The following RADIL variants were observed in gnomAD, a reference collection of about 807,000 sequenced individuals.
RADIL encodes the protein Rap associating with DIL domain.
A neutral mutation model predicts 97.6 loss-of-function variants in RADIL; 99 were observed. The ratio of observed to expected loss-of-function variants is 1.01; its 90% CI spans 0.86 to 1.20. The LOEUF (loss-of-function observed/expected upper bound fraction) is 1.20, where lower values mean the gene tolerates loss of function less well. RADIL is among the 50% of genes most tolerant of loss of function. RADIL has a pLI of 0.00. For missense variants in RADIL, 1,765 were observed against 1,498.9 expected (o/e 1.18, Z -2.93); for synonymous variants, 803 against 691.8 (o/e 1.16, Z -2.52).
chr7:4,852,310 G>A (rs1382361516), intron 2 of RADIL, among the ~76,000 whole-genome samples: 2 of 152,172 alleles, frequency 1.3e-5, no homozygotes, highest in Non-Finnish European at 2.9e-5. Context: ...GCACCAAGAG[G>A]ACAGAGGGCA....
rs1784466917 is a variant in RADIL, at chr7:4,880,767, T to A, written c.-64-2564A>T. On this transcript the variant is annotated intron_variant, in intron 1 of 14. Transcript: ENST00000399583. The surrounding 1 kb of genome is among the most constrained non-coding windows in gnomAD (Gnocchi z 4.5). Reference sequence around the variant, plus strand: ...CGGAGATGAAGTCTGAATGCTGATATAAATACGATACCAAAAACTGGGGAA... The same window carrying A: ...CGGAGATGAAGTCTGAATGCTGATAAAAATACGATACCAAAAACTGGGGAA... 6.6e-6 allele frequency among the ~76,000 whole-genome samples: 1 copy of A among 152,190 alleles called. No individual in the cohort carries two copies. The highest frequency in any genetic ancestry group is 6.5e-5 in the Admixed American group (1 of 15,282).
intron 2 of RADIL, among the ~76,000 whole-genome samples, chr7:4,852,502 G>A (rs146600467): frequency 0.042 from 6,395 of 152,238 alleles, 442 homozygotes; most frequent in African/African-American, 0.14. Context: ...AGGCTGGAGT[G>A]CAGTGGCATG....
At chr7:4,848,363 A>G (rs1310026087) in intron 2 of RADIL, among the ~76,000 whole-genome samples, 11 of 152,140 alleles carry the variant, frequency 7.2e-5, no homozygotes, top group Admixed American at 3.9e-4. Context: ...TTTTTTAAAA[A>G]AAAAACCCAG....
At position 4,836,491 on chromosome 7, in the gene RADIL, T is replaced by C; in HGVS notation, c.650A>G (p.Glu217Gly). 6.2e-7 allele frequency: 1 copy of C among 1,607,726 alleles called. No homozygotes were observed. Among genetic ancestry groups the C allele is most frequent in the Non-Finnish European group, 8.5e-7 (1 of 1,178,262 alleles). ...GGCGTTCACTGGGCTCAGGCTGGTCTCACTGACTGTGCGGCGCAACCGGGG... is the reference window on the plus strand; with the variant it reads ...GGCGTTCACTGGGCTCAGGCTGGTCCCACTGACTGTGCGGCGCAACCGGGG... ...PPPRLRRTVS[E>G]TSLSPVNALP... Residue 217 changes from glutamate to glycine, a missense_variant, in exon 3 of 15, where the codon GAG (glutamate) becomes GGG (glycine). Physicochemically the swap from Glu to Gly is moderately conservative, Grantham distance 98. Coordinates refer to ENST00000399583, the MANE Select transcript of RADIL (RefSeq NM_018059.5).
intron 6 of RADIL, among the ~76,000 whole-genome samples, chr7:4,820,253 T>C (rs1340353978): frequency 1.3e-5 from 2 of 152,162 alleles, no homozygotes; most frequent in East Asian, 3.9e-4. Flanking sequence ...AATCCAGCCC[T>C]GGAGGATGGC....
At chr7:4,839,744 C>G (rs1783395551) in intron 2 of RADIL, among the ~76,000 whole-genome samples, 1 of 151,922 alleles carries the variant, frequency 6.6e-6, no homozygotes, top group African/African-American at 2.4e-5. Context: ...TTTTTAAAAG[C>G]TTTCCTGTTG....
intron 5 of RADIL, among the ~76,000 whole-genome samples, chr7:4,825,129 C>T (rs1313084803): frequency 6.6e-6 from 1 of 152,052 alleles, no homozygotes. Flanking sequence ...AGGGGAAGGG[C>T]ACTCGGGGGG....
chr7:4,845,658 C>A (rs150330802), intron 2 of RADIL, among the ~76,000 whole-genome samples: 1 of 152,004 alleles, frequency 6.6e-6, no homozygotes, highest in Non-Finnish European at 1.5e-5. Context: ...TTTTTTTAGA[C>A]GGGGAAGAAA....
rs1783454331 is a variant in RADIL, at chr7:4,842,136, C to A, written c.536-5531G>T. 6.6e-6 allele frequency among the ~76,000 whole-genome samples: 1 copy of A among 151,812 alleles called. No homozygotes were observed. The highest frequency in any genetic ancestry group is 1.5e-5 in the Non-Finnish European group (1 of 67,998). ...TAAGGGACCATGGTTTGCAGACAGG[C>A]CTGCCTGGTCATGAAATGTCTGCCT... On this transcript the variant is annotated intron_variant, in intron 2 of 14. Coordinates refer to ENST00000399583, the MANE Select transcript of RADIL (RefSeq NM_018059.5). This position sits in a 1 kb window ranked among gnomAD's most constrained non-coding sequence, Gnocchi z 4.5.
chr7:4,809,050 C>CCCGTTCCAATGCCACTGCCCCT lies in RADIL; in HGVS notation c.2140-3356_2140-3335dup, dbSNP rs1562430572. 7.3e-6 allele frequency: 7 copies of CCCGTTCCAATGCCACTGCCCCT among 959,308 alleles called. No homozygotes were observed. In the Admixed American group the frequency reaches 3.3e-4, roughly 45 times the overall value. The allele number at this position is 959,308 out of a possible 1,614,324, so 59.4% of individuals were successfully genotyped here. On this transcript the variant is annotated intron_variant, in intron 9 of 14. Transcript: ENST00000399583. ...TGTCCCCTTCCGACGCCACTGCCCC[C>CCCGTTCCAATGCCACTGCCCCT]CCGTTCCAATGCCACTGCCCCTCCG...
At chr7:4,801,562 C>A in intron 12 of RADIL, 91 bp downstream of exon 12, 2 of 1,390,920 alleles carry the variant, frequency 1.4e-6, no homozygotes, top group Non-Finnish European at 1.9e-6. Context: ...AAACCTAGGA[C>A]CCAAGGGGGG....
chr7:4,855,191 T>C (rs559065012), intron 2 of RADIL, among the ~76,000 whole-genome samples: 4 of 152,302 alleles, frequency 2.6e-5, no homozygotes, highest in African/African-American at 9.6e-5. Flanking sequence ...TGTGGATTGT[T>C]TGGAACTTTC....
chr7:4,800,020 G>C (rs997831616), intron 13 of RADIL, 151 bp downstream of exon 13: 1 of 1,269,658 alleles, frequency 7.9e-7, no homozygotes, highest in African/African-American at 1.5e-5. Context: ...GACAGGCTGG[G>C]TTCCCCTCCC....
Position 4,803,757 on chromosome 7 carries a change from G to A in RADIL, c.2291-3C>T. 6 of 1,555,482 alleles carry A rather than the reference G, an allele frequency of 3.9e-6. No individual in the cohort carries two copies. The highest frequency in any genetic ancestry group is 5.2e-6 in the Non-Finnish European group (6 of 1,149,196). On this transcript the variant is annotated splice_polypyrimidine_tract_variant and splice_region_variant and intron_variant, in intron 10 of 14. Transcript: ENST00000399583. ...TTCGTAGGACTCCAGAACATCCTCTGCAGGGGAGAGAGGATGCCCGTAATG... is the reference window on the plus strand; with the variant it reads ...TTCGTAGGACTCCAGAACATCCTCTACAGGGGAGAGAGGATGCCCGTAATG...
At chr7:4,876,739 G>A (rs897644805) in intron 2 of RADIL, among the ~76,000 whole-genome samples, 11 of 152,190 alleles carry the variant, frequency 7.2e-5, no homozygotes, top group Non-Finnish European at 1.3e-4. Flanking sequence ...CCGTGCTCTC[G>A]GCACTCCTCA....
At chr7:4,799,583 G>A (rs745644874) in intron 14 of RADIL, 47 bp downstream of exon 14, 4 of 1,608,048 alleles carry the variant, frequency 2.5e-6, no homozygotes, top group East Asian at 2.2e-5. Flanking sequence ...ACTCCCCTGA[G>A]CAGGGCATCT....
In RADIL at chr7:4,834,864, C is replaced by G; in HGVS notation, c.1159G>C (p.Gly387Arg). ...GTAGGGGAGGCGGCTCCCCGGGCCC[C>G]GAGCGCGGCCCCGCACAGCCGGCAG... ...QSCRLCGAAL[G>R]ARGAASPTQA... The change falls in exon 4 of 15, where the codon GGG becomes CGG. Residue 387 changes from glycine to arginine, a missense_variant. By Grantham distance (125) the Gly-to-Arg change is moderately radical. Transcript: ENST00000399583. The surrounding 1 kb of genome is among the most constrained non-coding windows in gnomAD (Gnocchi z 6.0). 3.0e-6 allele frequency: 4 copies of G among 1,327,858 alleles called. No individual in the cohort carries two copies. The highest frequency in any genetic ancestry group is 3.1e-5 in the East Asian group (1 of 32,122). The allele number at this position is 1,327,858 out of a possible 1,614,324, so 82.3% of individuals were successfully genotyped here.
intron 5 of RADIL, among the ~76,000 whole-genome samples, chr7:4,825,883 GAAAAAAA>G (rs540147941): frequency 0.024 from 1,210 of 51,004 alleles, 9 homozygotes; most frequent in Middle Eastern, 0.062. Context: ...CTCCGTCTCA[GAAAAAAA>G]AAAAAAAAAA....
At chr7:4,806,710 G>T (rs1782320875) in intron 9 of RADIL, among the ~76,000 whole-genome samples, 1 of 152,218 alleles carries the variant, frequency 6.6e-6, no homozygotes, top group Admixed American at 6.5e-5. Context: ...TTCCCAAAAG[G>T]GGCGCATTGC....
Sources: gnomAD v4.1 joint callset for allele counts (sites outside exome capture counted in the v4.1 genomes callset) on GRCh38, gnomAD v4.1.1 for gene constraint, Gnocchi (gnomAD v3.1) non-coding constraint, MANE v1.5 for transcripts, NCBI Gene and HGNC (gene_info 2026-07-23, HGNC 2026-07-21) for gene names.